The following HOMER1 variants were observed in gnomAD, a reference collection of about 807,000 sequenced individuals.
The protein encoded by HOMER1 is homer protein homolog 1.
A neutral mutation model predicts 48.9 loss-of-function variants in HOMER1; 3 were observed. The ratio of observed to expected loss-of-function variants is 0.06; its 90% CI spans 0.03 to 0.16. HOMER1 has a LOEUF of 0.16. Ranked by LOEUF, HOMER1 falls within the 10% of genes least tolerant of loss-of-function variation. HOMER1 has a pLI of 1.00. For synonymous variants in HOMER1, 134 were observed against 146.4 expected (o/e 0.92, Z 0.61); for missense variants, 247 against 411.4 (o/e 0.60, Z 3.46).
intron 1 of HOMER1, among the ~76,000 whole-genome samples, chr5:79,505,864 T>C (rs1011378912): frequency 1.3e-5 from 2 of 152,112 alleles, no homozygotes; most frequent in Non-Finnish European, 2.9e-5. Flanking sequence ...TAAATAAGGG[T>C]AAATAAGATT....
intron 2 of HOMER1, among the ~76,000 whole-genome samples, chr5:79,451,428 T>A (rs1001404517): frequency 6.6e-6 from 1 of 152,040 alleles, no homozygotes; most frequent in Non-Finnish European, 1.5e-5. Flanking sequence ...ATGTTTAGAA[T>A]CAATATTTAT....
intron 8 of HOMER1, among the ~76,000 whole-genome samples, chr5:79,386,120 G>A (rs1749103982): frequency 6.6e-6 from 1 of 151,926 alleles, no homozygotes; most frequent in East Asian, 1.9e-4. Flanking sequence ...CTGGATATAT[G>A]TCCAAGGGGA....
chr5:79,495,109 T>C (rs1368015535), intron 1 of HOMER1, among the ~76,000 whole-genome samples: 1 of 152,200 alleles, frequency 6.6e-6, no homozygotes, highest in Non-Finnish European at 1.5e-5. Context: ...TTTATAAATA[T>C]ACACATATGA....
At chr5:79,479,915 T>C (rs749835519) in intron 1 of HOMER1, among the ~76,000 whole-genome samples, 1 of 152,218 alleles carries the variant, frequency 6.6e-6, no homozygotes, top group Non-Finnish European at 1.5e-5. Flanking sequence ...AAAGCAATTT[T>C]AGGCAATATG....
chr5:79,438,724 T>C (rs1220846188), intron 5 of HOMER1, among the ~76,000 whole-genome samples: 5 of 152,178 alleles, frequency 3.3e-5, no homozygotes, highest in South Asian at 2.1e-4. Flanking sequence ...ACTTACAAGA[T>C]TTTATTTCAC....
chr5:79,459,209 T>C (rs1751250523), intron 1 of HOMER1, among the ~76,000 whole-genome samples: 1 of 152,176 alleles, frequency 6.6e-6, no homozygotes, highest in Admixed American at 6.5e-5. Context: ...TTTTCTAAAA[T>C]AGTAAATTAG....
intron 8 of HOMER1, among the ~76,000 whole-genome samples, chr5:79,381,876 C>T (rs1419618804): frequency 1.4e-5 from 2 of 142,006 alleles, no homozygotes; most frequent in African/African-American, 2.7e-5. Flanking sequence ...CAAAGCAAGA[C>T]TCCATCTCCA....
At chr5:79,397,493 G>T in intron 7 of HOMER1, 34 bp downstream of exon 7, 2 of 1,155,040 alleles carry the variant, frequency 1.7e-6, no homozygotes, top group Non-Finnish European at 1.3e-6. Context: ...AAACATGTTA[G>T]CTAGATTACA....
chr5:79,513,675 G>C lies in HOMER1; in HGVS notation c.-901C>G, dbSNP rs1057130563. 6.6e-6 allele frequency: 1 copy of C among 152,084 alleles called. No individual in the cohort carries two copies. Among genetic ancestry groups the C allele is most frequent in the Non-Finnish European group, 1.5e-5 (1 of 68,134 alleles). The allele number at this position is 152,084 out of a possible 1,614,324, so 9.4% of individuals were successfully genotyped here. On this transcript the variant is annotated 5_prime_UTR_variant, in exon 1 of 9. Coordinates refer to ENST00000334082, the MANE Select transcript of HOMER1 (RefSeq NM_004272.5). The stretch of plus-strand genomic sequence containing the variant: ...TCTTCCCTCCTCTCTTCAGAGCACA[G>C]CGGGTCTGAGGCTCCCGTCGGCGGA...
chr5:79,444,912 A>G (rs146791591), intron 4 of HOMER1, among the ~76,000 whole-genome samples: 1 of 152,228 alleles, frequency 6.6e-6, no homozygotes, highest in Non-Finnish European at 1.5e-5. Context: ...AATGATCATC[A>G]AAGTTATTCC....
chr5:79,478,541 T>A (rs1377765180), intron 1 of HOMER1, among the ~76,000 whole-genome samples: 1 of 149,624 alleles, frequency 6.7e-6, no homozygotes, highest in African/African-American at 2.5e-5. Context: ...TACAAAAAAA[T>A]AAATAAATAA....
chr5:79,466,352 A>C (rs1169806567), intron 1 of HOMER1, among the ~76,000 whole-genome samples: 3 of 152,028 alleles, frequency 2.0e-5, no homozygotes, highest in South Asian at 2.1e-4. Flanking sequence ...CCATCTCTAC[A>C]AAAAATTAGC....
chr5:79,384,158 G>A (rs1334984127), intron 8 of HOMER1, among the ~76,000 whole-genome samples: 3 of 141,716 alleles, frequency 2.1e-5, no homozygotes, highest in African/African-American at 7.8e-5. Context: ...AAATAATAAA[G>A]ATCAGAGGAG....
intron 5 of HOMER1, among the ~76,000 whole-genome samples, chr5:79,437,920 G>A (rs1452136412): frequency 6.6e-6 from 1 of 152,124 alleles, no homozygotes; most frequent in African/African-American, 2.4e-5. Context: ...GCTTCCCAAA[G>A]TGCTGGGATT....
At chr5:79,467,383 C>T (rs956514218) in intron 1 of HOMER1, among the ~76,000 whole-genome samples, 5 of 128,252 alleles carry the variant, frequency 3.9e-5, no homozygotes, top group African/African-American at 1.6e-4. Context: ...AAGAGTGAAA[C>T]TCCATCTCAA....
At chr5:79,476,804 A>C (rs1329101606) in intron 1 of HOMER1, among the ~76,000 whole-genome samples, 5 of 152,178 alleles carry the variant, frequency 3.3e-5, no homozygotes, top group African/African-American at 1.2e-4. Flanking sequence ...TTCACTGGAT[A>C]GACATGAATG....
intron 5 of HOMER1, among the ~76,000 whole-genome samples, chr5:79,420,451 A>G (rs1191395035): frequency 6.6e-6 from 1 of 152,130 alleles, no homozygotes; most frequent in Non-Finnish European, 1.5e-5. Context: ...ATGACTCCAC[A>G]AGGAGCCTAC....
At chr5:79,491,440 A>G (rs1260916726) in intron 1 of HOMER1, among the ~76,000 whole-genome samples, 1 of 146,746 alleles carries the variant, frequency 6.8e-6, no homozygotes, top group African/African-American at 2.5e-5. Context: ...CCTTGTCTCA[A>G]AAAAAAAAAA....
intron 1 of HOMER1, among the ~76,000 whole-genome samples, chr5:79,460,669 G>A (rs546401937): frequency 2.0e-5 from 3 of 152,034 alleles, no homozygotes; most frequent in African/African-American, 2.4e-5. Context: ...TTTGTTCCTC[G>A]GGACATTTCA....
Sources: gnomAD v4.1 joint callset for allele counts (sites outside exome capture counted in the v4.1 genomes callset) on GRCh38, gnomAD v4.1.1 for gene constraint, MANE v1.5 for transcripts, NCBI Gene and HGNC (gene_info 2026-07-23, HGNC 2026-07-21) for gene names.